The following FRMD6 variants were observed in gnomAD, a reference collection of about 807,000 sequenced individuals.
FRMD6 encodes the protein FERM domain-containing protein 6.
Under a neutral mutation model 73.2 loss-of-function variants are expected in FRMD6, and 37 were observed. That is an observed-to-expected ratio of 0.51 (90% CI 0.39 to 0.66). The LOEUF is 0.66. Ranked by LOEUF, FRMD6 falls within the 30% of genes least tolerant of loss-of-function variation. The pLI, the probability that FRMD6 is intolerant of heterozygous loss-of-function variation, is 0.00. For missense variants in FRMD6, 714 were observed against 780.5 expected, an observed-to-expected ratio of 0.91 and a Z score of 1.02; for synonymous variants, 273 against 282.2, an observed-to-expected ratio of 0.97 and a Z score of 0.33.
chr14:51,559,651 A>G (rs117842341), intron 1 of FRMD6, among the ~76,000 whole-genome samples: 2 of 151,858 alleles, frequency 1.3e-5, no homozygotes, highest in Non-Finnish European at 2.9e-5. Context: ...CTTATCCACT[A>G]TTTCTTGAAT....
At chr14:51,450,128 C>T in the FRMD6 span, among the ~76,000 whole-genome samples, 4 of 152,246 alleles carry the variant, frequency 2.6e-5, no homozygotes, top group Admixed American at 6.5e-5. Flanking sequence ...TTGAATCTCT[C>T]GTGTCAAGAT....
At chr14:51,432,847 G>C in the FRMD6 span, among the ~76,000 whole-genome samples, 4 of 152,120 alleles carry the variant, frequency 2.6e-5, no homozygotes, top group Non-Finnish European at 5.9e-5. Flanking sequence ...CAATCCAGGG[G>C]GCAGGGCCTA....
the FRMD6 span, among the ~76,000 whole-genome samples, chr14:51,455,764 G>A: frequency 0.11 from 16,291 of 152,180 alleles, 903 homozygotes; most frequent in South Asian, 0.14. Context: ...AGAGGAGACA[G>A]CATAGAATTC....
chr14:51,551,822 C>CATTTTTATATTAT (rs1400643394), intron 1 of FRMD6, among the ~76,000 whole-genome samples: 1 of 151,680 alleles, frequency 6.6e-6, no homozygotes, highest in African/African-American at 2.4e-5. Context: ...ATATAAAATG[C>CATTTTTATATTAT]ATTAACATCT....
intron 1 of FRMD6, among the ~76,000 whole-genome samples, chr14:51,540,747 C>T (rs957130336): frequency 6.6e-6 from 1 of 151,750 alleles, no homozygotes; most frequent in African/African-American, 2.4e-5. Flanking sequence ...TAAATAAATT[C>T]CATGAGCAAA....
At position 51,722,086 on chromosome 14, in the gene FRMD6, C is replaced by A. The variant is rs1252016286; in HGVS notation, c.1492+6C>A. 6.2e-7 allele frequency: 1 copy of A among 1,613,754 alleles called. No homozygotes were observed. Among genetic ancestry groups the A allele is most frequent in the Non-Finnish European group, 8.5e-7 (1 of 1,179,820 alleles). ...GAAGCTGAATGGACACTCTGGTGAG[C>A]TCTTACGGGAAGTTATTCTTCCTTG... On this transcript the variant is annotated splice_donor_region_variant and intron_variant, in intron 12 of 13. Coordinates refer to ENST00000344768, the MANE Select transcript of FRMD6 (RefSeq NM_001267046.2).
chr14:51,726,778 G>A (rs1286799612), intron 13 of FRMD6, among the ~76,000 whole-genome samples: 1 of 152,142 alleles, frequency 6.6e-6, no homozygotes, highest in Non-Finnish European at 1.5e-5. Context: ...AATCCTGTTG[G>A]AGTCTGGGAA....
chr14:51,402,645 T>TC, the FRMD6 span, among the ~76,000 whole-genome samples: 25,627 of 149,912 alleles, frequency 0.17, 2,361 homozygotes, highest in Middle Eastern at 0.26. Context: ...TCTTTTCTTT[T>TC]TTTTTTTTTT....
At chr14:51,407,632 T>A in the FRMD6 span, among the ~76,000 whole-genome samples, 1 of 152,162 alleles carries the variant, frequency 6.6e-6, no homozygotes. Flanking sequence ...CTCATATGAA[T>A]ATTTATTACT....
chr14:51,703,499 T>C (rs1896448754), intron 5 of FRMD6, among the ~76,000 whole-genome samples: 2 of 151,948 alleles, frequency 1.3e-5, no homozygotes, highest in South Asian at 4.1e-4. Context: ...CTAAGACACT[T>C]TATTAGTTAT....
the FRMD6 span, among the ~76,000 whole-genome samples, chr14:51,426,968 G>A: frequency 1.4e-4 from 22 of 152,084 alleles, no homozygotes; most frequent in African/African-American, 5.3e-4. Flanking sequence ...GATCTGGATT[G>A]GAATTAGCCT....
At chr14:51,597,162 C>T (rs894045237) in intron 2 of FRMD6, among the ~76,000 whole-genome samples, 1 of 152,134 alleles carries the variant, frequency 6.6e-6, no homozygotes, top group Admixed American at 6.5e-5. Flanking sequence ...ACAGAATGCA[C>T]TAGGTGATAT....
the FRMD6 span, among the ~76,000 whole-genome samples, chr14:51,413,528 A>G: frequency 6.6e-6 from 1 of 152,172 alleles, no homozygotes; most frequent in Non-Finnish European, 1.5e-5. Context: ...CATGGTGTAT[A>G]TGTGCCACAT....
chr14:51,481,808 C>T, the FRMD6 span, among the ~76,000 whole-genome samples: 5 of 152,308 alleles, frequency 3.3e-5, no homozygotes, highest in East Asian at 1.9e-4. Flanking sequence ...TTCTGGCACA[C>T]GGGCCCCTCC....
chr14:51,628,138 T>G (rs778331750), intron 2 of FRMD6, among the ~76,000 whole-genome samples: 3 of 152,342 alleles, frequency 2.0e-5, no homozygotes, highest in Middle Eastern at 6.8e-3. Context: ...AATCCACAGA[T>G]GCAGAATCCA....
Position 51,605,764 on chromosome 14 carries a change from T to C in FRMD6, c.-147+35354T>C, listed in dbSNP as rs558646277. Among the ~76,000 whole-genome samples, 8 of 152,304 alleles carry C rather than the reference T, an allele frequency of 5.3e-5. No homozygotes were observed. The South Asian group carries it at 1.7e-3, about 32-fold the overall frequency. On this transcript the variant is annotated intron_variant, in intron 2 of 14. Coordinates refer to the FRMD6 transcript ENST00000356218. ...AATGTTGCTAACAGGATGTGGGCTA[T>C]ACATTTTGAGACCTGTTGAAAGAGA...
intron 7 of FRMD6, among the ~76,000 whole-genome samples, chr14:51,708,961 G>T (rs1458070835): frequency 6.6e-6 from 1 of 151,928 alleles, no homozygotes; most frequent in Non-Finnish European, 1.5e-5. Context: ...CCTTTCTGGG[G>T]CAGAGGTCAC....
chr14:51,719,620 G>A lies in FRMD6; in HGVS notation c.1025-435G>A, dbSNP rs1164744272. On this transcript the variant is annotated intron_variant, in intron 10 of 13. Coordinates refer to ENST00000344768, the MANE Select transcript of FRMD6 (RefSeq NM_001267046.2). Reference sequence around the variant, plus strand: ...GCTTCTGAAATTATCTGCAGAAAAGGGCCAGATTTTTAAAATATTTAATAT... The same window carrying A: ...GCTTCTGAAATTATCTGCAGAAAAGAGCCAGATTTTTAAAATATTTAATAT... Among the ~76,000 whole-genome samples, 3 of 152,114 alleles carry A rather than the reference G, an allele frequency of 2.0e-5. No homozygotes were observed. The East Asian group carries it at 5.8e-4, about 29-fold the overall frequency.
intron 2 of FRMD6, among the ~76,000 whole-genome samples, chr14:51,585,246 G>T (rs965883196): frequency 5.9e-5 from 9 of 152,114 alleles, no homozygotes; most frequent in African/African-American, 1.9e-4. Context: ...TAGGCCCCCA[G>T]TTCCTCACCA....
Sources: allele counts gnomAD v4.1 joint callset (sites outside exome capture counted in the v4.1 genomes callset), GRCh38; gene constraint gnomAD v4.1.1; transcripts MANE v1.5; gene names NCBI Gene and HGNC (gene_info 2026-07-23, HGNC 2026-07-21).